KLF2: variants seen among roughly 807,000 people sequenced by gnomAD.
KLF2 encodes KLF transcription factor 2, also known as Krueppel-like factor 2.
KLF2 carries 9 observed loss-of-function variants against 22.2 expected under a neutral mutation model. The observed-to-expected ratio is 0.40, with a 90% CI of 0.24 to 0.71. The LOEUF is 0.71. Ranked by LOEUF, KLF2 falls within the 30% of genes least tolerant of loss-of-function variation. The pLI, the probability that KLF2 is intolerant of heterozygous loss-of-function variation, is 0.35. For missense variants in KLF2, 481 were observed against 542.1 expected, an observed-to-expected ratio of 0.89 and a Z score of 1.12; for synonymous variants, 299 against 264.2, an observed-to-expected ratio of 1.13 and a Z score of -1.28.
rs1285735305 is a variant in KLF2 at position 16,325,959 on chromosome 19, C to T, written c.819C>T (p.Thr273=). 4 of 1,546,832 alleles carry T rather than the reference C, an allele frequency of 2.6e-6. No homozygotes were observed. The African/African-American group carries it at 4.1e-5, about 16-fold the overall frequency. ...CCCGCAAACGCACCGCCACTCACAC[C>T]TGCAGCTACGCGGGCTGCGGCAAGA... is the stretch of plus-strand genomic sequence containing the variant. ...SWPRKRTATH[T]CSYAGCGKTY... Residue 273 remains threonine, a synonymous_variant, in exon 2 of 3, where the codon ACC becomes ACT. Transcript: ENST00000248071.
intron 1 of KLF2, 48 bp from the exon 2 acceptor site, chr19:16,325,168 C>A (rs1432264213): frequency 1.9e-5 from 26 of 1,403,950 alleles, no homozygotes; most frequent in Non-Finnish European, 2.4e-5. Flanking sequence ...CAAGCAGCGC[C>A]CCCCGAGCCC....
Position 16,324,860 on chromosome 19 carries a change from G to T in KLF2, c.-64G>T, listed in dbSNP as rs2091882720. 1 of 1,407,694 alleles carries T rather than the reference G, an allele frequency of 7.1e-7. No homozygotes were observed. Among genetic ancestry groups the T allele is most frequent in the Non-Finnish European group, 9.7e-7 (1 of 1,029,508 alleles). 87.2% of individuals were successfully genotyped at this position (1,407,694 alleles called of 1,614,324 possible). On this transcript the variant is annotated 5_prime_UTR_variant, in exon 1 of 3. Transcript: ENST00000248071. ...TCCCCGCCCGCCCGCGCCCCGACCA[G>T]CCCGGCCTCGGGCAGCCACTCACCG...
Position 16,327,289 on chromosome 19 carries a change from GGCA to G in KLF2, c.*259_*261del. ...TTCAAAATGGTGCAATAATTTAAGT[GGCA>G]TCTTCTCTCCCACCGGGTCTACACT... is the stretch of plus-strand genomic sequence containing the variant. On this transcript the variant is annotated 3_prime_UTR_variant, in exon 3 of 3. Transcript: ENST00000248071. The G allele has an allele frequency of 3.1e-6, 1 of 325,536 alleles. No individual in the cohort carries two copies. The highest frequency in any genetic ancestry group is 5.4e-6 in the Non-Finnish European group (1 of 183,614). The allele number at this position is 325,536 out of a possible 1,614,324, so 20.2% of individuals were successfully genotyped here. A position where few individuals can be genotyped will look rare whatever the true frequency, so the allele number is the denominator to read the frequency against.
At chr19:16,326,769 T>G in intron 2 of KLF2, 87 bp from the exon 3 acceptor site, 2 of 1,345,808 alleles carry the variant, frequency 1.5e-6, no homozygotes, top group Non-Finnish European at 2.1e-6. Context: ...AAGGCCCTGG[T>G]TAGGGATAGG....
chr19:16,325,039 C>T (rs2091883802), intron 1 of KLF2, 41 bp downstream of exon 1: 1 of 1,498,228 alleles, frequency 6.7e-7, no homozygotes, highest in East Asian at 2.6e-5. Context: ...GGACCGTGGG[C>T]GGCGGGCTCG....
Position 16,327,287 on chromosome 19 carries a change from G to T in KLF2, c.*256G>T. 3.2e-6 allele frequency: 1 copy of T among 314,070 alleles called. No homozygotes were observed. Among genetic ancestry groups the T allele is most frequent in the Non-Finnish European group, 5.7e-6 (1 of 176,528 alleles). The allele number at this position is 314,070 out of a possible 1,614,324, so 19.5% of individuals were successfully genotyped here. The stretch of plus-strand genomic sequence containing the variant: ...TTTTCAAAATGGTGCAATAATTTAA[G>T]TGGCATCTTCTCTCCCACCGGGTCT... On this transcript the variant is annotated 3_prime_UTR_variant, in exon 3 of 3. Coordinates refer to ENST00000248071, the MANE Select transcript of KLF2 (RefSeq NM_016270.4).
chr19:16,326,399 C>T (rs2091890404), intron 2 of KLF2, among the ~76,000 whole-genome samples: 1 of 151,942 alleles, frequency 6.6e-6, no homozygotes, highest in South Asian at 2.1e-4. Context: ...GGGCACTTGG[C>T]TCAGAATCCC....
At position 16,326,043 on chromosome 19, in the gene KLF2, C is replaced by G. The variant is rs978415295; in HGVS notation, c.892+11C>G. On this transcript the variant is annotated intron_variant, in intron 2 of 2. Coordinates refer to ENST00000248071, the MANE Select transcript of KLF2 (RefSeq NM_016270.4). ...TGCGCACGCACACAGGTGGGCGGCA[C>G]GCACGAGCCAGGAGCGCAGGCGGGG... 1.3e-6 allele frequency: 2 copies of G among 1,539,620 alleles called. No individual in the cohort carries two copies. The highest frequency in any genetic ancestry group is 4.0e-5 in the Admixed American group (2 of 50,474).
Position 16,325,485 on chromosome 19 carries a change from G to A in KLF2, c.345G>A (p.Ala115=). Residue 115 remains alanine (A), a synonymous_variant, in exon 2 of 3, where the codon GCG becomes GCA. Coordinates refer to ENST00000248071, the MANE Select transcript of KLF2 (RefSeq NM_016270.4). The part of the protein sequence containing the change: ...GPALHGRFLL[A]PPGRLVKAEP... The stretch of plus-strand genomic sequence containing the variant: ...CACTGCACGGCCGCTTTCTGCTGGC[G>A]CCGCCCGGCCGCCTGGTCAAGGCCG... 2 of 1,355,662 alleles carry A rather than the reference G, an allele frequency of 1.5e-6. No homozygotes were observed. The highest frequency in any genetic ancestry group is 1.9e-6 in the Non-Finnish European group (2 of 1,058,444). 84.0% of individuals were successfully genotyped at this position (1,355,662 alleles called of 1,614,324 possible).
At chr19:16,326,167 G>A (rs1374273424) in intron 2 of KLF2, 135 bp downstream of exon 2, 7 of 844,038 alleles carry the variant, frequency 8.3e-6, no homozygotes, top group Non-Finnish European at 1.7e-6. Context: ...GGTGGTGCAC[G>A]CTTAGGACTC....
chr19:16,325,211 C>A lies in KLF2; in HGVS notation c.76-5C>A. 1 of 1,514,414 alleles carries A rather than the reference C, an allele frequency of 6.6e-7. No individual in the cohort carries two copies. Among genetic ancestry groups the A allele is most frequent in the Non-Finnish European group, 8.8e-7 (1 of 1,136,538 alleles). 93.8% of individuals were successfully genotyped at this position (1,514,414 alleles called of 1,614,324 possible). On this transcript the variant is annotated splice_region_variant and splice_polypyrimidine_tract_variant and intron_variant, in intron 1 of 2. Coordinates refer to ENST00000248071, the MANE Select transcript of KLF2 (RefSeq NM_016270.4). ...CGCTCACGCCCATTGCCCTGTCGCC[C>A]GCAGCGCTGGCCGCGCGCCGAACCC...
rs781589332 is a variant in KLF2, at chr19:16,327,062, C to T, written c.*31C>T. 24 of 1,523,324 alleles carry T rather than the reference C, an allele frequency of 1.6e-5. No individual in the cohort carries two copies. The African/African-American group carries it at 2.8e-4, about 18-fold the overall frequency. 94.4% of individuals were successfully genotyped at this position (1,523,324 alleles called of 1,614,324 possible). ...ACGCCCCCGCCCACCTGCGCGCGGC[C>T]GTGGCGGGTCCCACGCGCCGGGCGC... On this transcript the variant is annotated 3_prime_UTR_variant, in exon 3 of 3. Coordinates refer to ENST00000248071, the MANE Select transcript of KLF2 (RefSeq NM_016270.4).
At chr19:16,326,074 C>CCAGGAGCGCAGGCG in intron 2 of KLF2, 42 bp downstream of exon 2, 3 of 1,514,564 alleles carry the variant, frequency 2.0e-6, no homozygotes, top group Non-Finnish European at 2.7e-6. Flanking sequence ...CGGGGGGACG[C>CCAGGAGCGCAGGCG]GGGAGGAGAG....
At position 16,326,051 on chromosome 19, in the gene KLF2, C is replaced by T; in HGVS notation, c.892+19C>T. On this transcript the variant is annotated intron_variant, in intron 2 of 2. Coordinates refer to ENST00000248071, the MANE Select transcript of KLF2 (RefSeq NM_016270.4). Reference sequence around the variant, plus strand: ...CACACAGGTGGGCGGCACGCACGAGCCAGGAGCGCAGGCGGGGGGACGCGG... The same window carrying T: ...CACACAGGTGGGCGGCACGCACGAGTCAGGAGCGCAGGCGGGGGGACGCGG... The T allele has an allele frequency of 1.3e-6, 2 of 1,533,004 alleles. No homozygotes were observed. The highest frequency in any genetic ancestry group is 2.6e-5 in the East Asian group (1 of 39,122). The allele number at this position is 1,533,004 out of a possible 1,614,324, so 95.0% of individuals were successfully genotyped here.
At position 16,326,846 on chromosome 19, in the gene KLF2, C is replaced by G; in HGVS notation, c.893-10C>G. On this transcript the variant is annotated splice_polypyrimidine_tract_variant and intron_variant, in intron 2 of 2. Coordinates refer to ENST00000248071, the MANE Select transcript of KLF2 (RefSeq NM_016270.4). ...GGGAACTGACGCTTACTCTCGCCCC[C>G]TCCCTGCAGGTGAGAAGCCCTACCA... 1.2e-6 allele frequency: 2 copies of G among 1,604,956 alleles called. No individual in the cohort carries two copies. The highest frequency in any genetic ancestry group is 1.7e-4 in the Middle Eastern group (1 of 6,048).
rs1353019005 is a variant in KLF2, at chr19:16,325,692, G to A, written c.552G>A (p.Leu184=). ...PPLSPDGPAR[L]PAPGPRASFP... Reference sequence around the variant, plus strand: ...TCAGCCCCGACGGCCCCGCGCGCCTGCCCGCGCCCGGTCCGCGCGCCTCCT... The same window carrying A: ...TCAGCCCCGACGGCCCCGCGCGCCTACCCGCGCCCGGTCCGCGCGCCTCCT... The change falls in exon 2 of 3, where the codon CTG becomes CTA. Residue 184 remains leucine, a synonymous_variant. Coordinates refer to ENST00000248071, the MANE Select transcript of KLF2 (RefSeq NM_016270.4). 3 of 1,130,844 alleles carry A rather than the reference G, an allele frequency of 2.7e-6. No homozygotes were observed. Among genetic ancestry groups the A allele is most frequent in the Non-Finnish European group, 2.2e-6 (2 of 927,870 alleles). The allele number at this position is 1,130,844 out of a possible 1,614,324, so 70.1% of individuals were successfully genotyped here.
In KLF2 at chr19:16,325,470, C is replaced by A. The variant is rs1269428968; in HGVS notation, c.330C>A (p.Gly110=). 7.3e-7 allele frequency: 1 copy of A among 1,378,680 alleles called. No homozygotes were observed. The highest frequency in any genetic ancestry group is 1.5e-5 in the African/African-American group (1 of 65,478). The allele number at this position is 1,378,680 out of a possible 1,614,324, so 85.4% of individuals were successfully genotyped here. The change falls in exon 2 of 3, where the codon GGC becomes GGA. Residue 110 remains glycine, a synonymous_variant. Coordinates refer to ENST00000248071, the MANE Select transcript of KLF2 (RefSeq NM_016270.4). ...CGCCGCTGGGGCCCGCACTGCACGG[C>A]CGCTTTCTGCTGGCGCCGCCCGGCC... The part of the protein sequence containing the change: ...LDAPLGPALH[G]RFLLAPPGRL...
chr19:16,328,568 T>C lies in KLF2; in HGVS notation c.*1537T>C, dbSNP rs1037631399. Among the ~76,000 whole-genome samples, 2 of 152,102 alleles carry C rather than the reference T, an allele frequency of 1.3e-5. No individual in the cohort carries two copies. The highest frequency in any genetic ancestry group is 1.3e-4 in the Admixed American group (2 of 15,248). On this transcript the variant is annotated 3_prime_UTR_variant, in exon 3 of 3. Coordinates refer to ENST00000248071, the MANE Select transcript of KLF2 (RefSeq NM_016270.4). Reference sequence around the variant, plus strand: ...TCCTCCCTCCCTGCATCCTTCCTCCTCCCCAACTACGGCAGCCCTGGAAAC... The same window carrying C: ...TCCTCCCTCCCTGCATCCTTCCTCCCCCCCAACTACGGCAGCCCTGGAAAC...
chr19:16,325,024 G>T, intron 1 of KLF2, 26 bp downstream of exon 1: 1 of 1,544,734 alleles, frequency 6.5e-7, no homozygotes, highest in Non-Finnish European at 8.7e-7. Context: ...ACGGCGGGGC[G>T]GCCGGGACCG....
Sources: gnomAD v4.1 joint callset for allele counts (sites outside exome capture counted in the v4.1 genomes callset) on GRCh38, gnomAD v4.1.1 for gene constraint, MANE v1.5 for transcripts, NCBI Gene and HGNC (gene_info 2026-07-23, HGNC 2026-07-21) for gene names.